GLRA2: variants seen among roughly 807,000 people sequenced by gnomAD.
The protein encoded by GLRA2 is glycine receptor alpha 2.
Under a neutral mutation model 31.6 loss-of-function variants are expected in GLRA2, and 11 were observed. That is an observed-to-expected ratio of 0.35 (90% CI 0.22 to 0.58). The LOEUF (loss-of-function observed/expected upper bound fraction) is 0.58. Among genes scored for constraint, GLRA2 ranks in the 20% least tolerant of loss-of-function variants. The pLI is 0.84. For synonymous variants in GLRA2, 132 were observed against 134.0 expected (o/e 0.99, Z 0.10); for missense variants, 212 against 351.8 (o/e 0.60, Z 3.18).
intron 8 of GLRA2, among the ~76,000 whole-genome samples, chrX:14,722,668 T>C (rs1048050553): frequency 8.9e-6 from 1 of 111,772 alleles, no homozygotes; most frequent in Non-Finnish European, 1.9e-5. Context: ...ATATGACATA[T>C]GGAAGCATGC....
At chrX:14,565,270 G>T (rs998266371) in intron 2 of GLRA2, among the ~76,000 whole-genome samples, 5 of 111,656 alleles carry the variant, frequency 4.5e-5, no homozygotes, top group African/African-American at 1.6e-4. Flanking sequence ...AACAGCAGAA[G>T]AATTGAAAAA....
chrX:14,701,939 T>C (rs1352210261), intron 8 of GLRA2, among the ~76,000 whole-genome samples: 2 of 112,001 alleles, frequency 1.8e-5, no homozygotes, highest in African/African-American at 6.5e-5. Context: ...GTGCAGAATG[T>C]TGTGTGCTGT....
the GLRA2 span, among the ~76,000 whole-genome samples, chrX:14,468,398 C>A: frequency 9.0e-6 from 1 of 111,695 alleles, no homozygotes; most frequent in African/African-American, 3.3e-5. Context: ...TAGACTTCAA[C>A]AGGTTTTATT....
intron 8 of GLRA2, among the ~76,000 whole-genome samples, chrX:14,696,130 G>A (rs2091441876): frequency 9.6e-6 from 1 of 104,675 alleles, no homozygotes; most frequent in African/African-American, 3.5e-5. Context: ...AGAGAATGTA[G>A]AAGGGAAGAA....
chrX:14,696,735 T>C (rs922583217), intron 8 of GLRA2, among the ~76,000 whole-genome samples: 1 of 111,704 alleles, frequency 9.0e-6, no homozygotes, highest in Non-Finnish European at 1.9e-5. Flanking sequence ...AAAGATATGG[T>C]TTGGGCATTG....
intron 2 of GLRA2, among the ~76,000 whole-genome samples, chrX:14,532,905 T>C (rs1346427737): frequency 1.8e-5 from 2 of 110,689 alleles, no homozygotes; most frequent in Non-Finnish European, 3.8e-5. Context: ...TTTGAAATTG[T>C]TTATTTGAAA....
At chrX:14,471,270 G>A in the GLRA2 span, among the ~76,000 whole-genome samples, 124 of 111,894 alleles carry the variant, frequency 1.1e-3, no homozygotes, top group Non-Finnish European at 1.8e-3. Flanking sequence ...CCTGATTGAT[G>A]GTGATAGAAA....
intron 8 of GLRA2, among the ~76,000 whole-genome samples, chrX:14,717,601 T>C (rs1444338814): frequency 9.0e-6 from 1 of 111,196 alleles, no homozygotes; most frequent in Non-Finnish European, 1.9e-5. Flanking sequence ...GTCATAGAGT[T>C]GTATATAGTT....
the GLRA2 span, among the ~76,000 whole-genome samples, chrX:14,513,694 TAAAATC>T: frequency 9.0e-6 from 1 of 111,119 alleles, no homozygotes; most frequent in East Asian, 2.8e-4. Context: ...TCAGGGAAAT[TAAAATC>T]AAAAACACAA....
At chrX:14,625,097 T>C (rs779005642) in intron 7 of GLRA2, among the ~76,000 whole-genome samples, 29 of 111,882 alleles carry the variant, frequency 2.6e-4, no homozygotes, top group Admixed American at 7.6e-4. Context: ...TTTACCATTA[T>C]GTAATGGCCT....
intron 8 of GLRA2, among the ~76,000 whole-genome samples, chrX:14,701,517 G>A (rs752449009): frequency 1.8e-5 from 2 of 111,285 alleles, no homozygotes; most frequent in Non-Finnish European, 3.8e-5. Flanking sequence ...TCCAAGCTGA[G>A]GGTTTTGCCA....
intron 8 of GLRA2, among the ~76,000 whole-genome samples, chrX:14,723,158 G>A (rs184991023): frequency 8.0e-5 from 9 of 111,925 alleles, no homozygotes; most frequent in African/African-American, 2.9e-4. Context: ...CCTACCCCAT[G>A]TATCTATTCG....
the GLRA2 span, among the ~76,000 whole-genome samples, chrX:14,466,529 A>G: frequency 1.8e-5 from 2 of 111,536 alleles, no homozygotes; most frequent in Non-Finnish European, 3.8e-5. Flanking sequence ...CTCTTCATGC[A>G]TTGTCTCCAT....
At chrX:14,612,846 T>C (rs1338454747) in intron 7 of GLRA2, among the ~76,000 whole-genome samples, 1 of 105,091 alleles carries the variant, frequency 9.5e-6, no homozygotes, top group Non-Finnish European at 2.0e-5. Context: ...GCTAGGGGAG[T>C]GATAGCATTA....
At chrX:14,593,499 C>T (rs1047557591) in intron 4 of GLRA2, among the ~76,000 whole-genome samples, 2 of 112,120 alleles carry the variant, frequency 1.8e-5, no homozygotes, top group Non-Finnish European at 3.8e-5. Flanking sequence ...TTTTGCTAAA[C>T]TTGAGCAGTC....
intron 7 of GLRA2, among the ~76,000 whole-genome samples, chrX:14,640,819 T>C (rs1261171298): frequency 9.0e-6 from 1 of 111,406 alleles, no homozygotes; most frequent in Non-Finnish European, 1.9e-5. Flanking sequence ...TTAAATCTTC[T>C]ATGAAAATTT....
At chrX:14,575,090 CA>C (rs373977033) in intron 3 of GLRA2, among the ~76,000 whole-genome samples, 73 of 93,522 alleles carry the variant, frequency 7.8e-4, no homozygotes, top group Admixed American at 1.6e-3. Context: ...ATGCCTTTTC[CA>C]AAAAAAAAAA....
At chrX:14,706,560 T>C (rs975098267) in intron 8 of GLRA2, among the ~76,000 whole-genome samples, 1 of 112,277 alleles carries the variant, frequency 8.9e-6, no homozygotes, top group Admixed American at 9.4e-5. Context: ...TAACCCTATG[T>C]TGCTTGTTGT....
intron 7 of GLRA2, 64 bp from the exon 8 acceptor site, chrX:14,690,646 T>C: frequency 1.2e-6 from 1 of 824,698 alleles, no homozygotes; most frequent in Admixed American, 2.3e-5. Context: ...TGGCAGGCTT[T>C]CATAGTCTTT....
Sources: gnomAD v4.1 joint callset for allele counts (sites outside exome capture counted in the v4.1 genomes callset) on GRCh38, gnomAD v4.1.1 for gene constraint, MANE v1.5 for transcripts, NCBI Gene and HGNC (gene_info 2026-07-23, HGNC 2026-07-21) for gene names.